Variants in VCAN observed in about 807,000 individuals in gnomAD.
VCAN encodes versican core protein.
A neutral mutation model predicts 245.5 loss-of-function variants in VCAN; 44 were observed. That is an observed-to-expected ratio of 0.18 (90% confidence interval 0.14 to 0.23). The LOEUF (loss-of-function observed/expected upper bound fraction) is 0.23. VCAN is among the 10% of genes least tolerant of loss of function. The pLI, the probability that VCAN is intolerant of heterozygous loss-of-function variation, is 1.00. For synonymous variants in VCAN, 1,413 were observed against 1,437.0 expected (o/e 0.98, Z 0.38); for missense variants, 3,793 against 4,057.9 (o/e 0.93, Z 1.77).
chr5:83,575,538 C>T (rs1411237738), intron 13 of VCAN, among the ~76,000 whole-genome samples: 1 of 152,098 alleles, frequency 6.6e-6, no homozygotes, highest in African/African-American at 2.4e-5. Flanking sequence ...ATTTTATTTT[C>T]TCCTATAGCA....
In VCAN at chr5:83,580,694, C is replaced by A; in HGVS notation, c.*260C>A. ...AATTTCTTTAGTTTTCTATTTGCCTCCAGTGCAGTCCATTTCCTAATGTAT... is the reference window on the plus strand; with the variant it reads ...AATTTCTTTAGTTTTCTATTTGCCTACAGTGCAGTCCATTTCCTAATGTAT... On this transcript the variant is annotated 3_prime_UTR_variant, in exon 15 of 15. Transcript: ENST00000265077. The A allele has an allele frequency of 2.2e-6, 1 of 460,698 alleles. No individual in the cohort carries two copies. The highest frequency in any genetic ancestry group is 2.1e-5 in the South Asian group (1 of 48,702). The allele number at this position is 460,698 out of a possible 1,614,324, so 28.5% of individuals were successfully genotyped here. A position where few individuals can be genotyped will look rare whatever the true frequency, so the allele number is the denominator to read the frequency against.
chr5:83,487,123 T>A (rs1744818251), intron 2 of VCAN, among the ~76,000 whole-genome samples: 1 of 152,224 alleles, frequency 6.6e-6, no homozygotes, highest in South Asian at 2.1e-4. Context: ...TATTTTGATG[T>A]TCCCCTTATA....
chr5:83,472,242 A>C (rs1326546412), intron 1 of VCAN, among the ~76,000 whole-genome samples: 4 of 147,362 alleles, frequency 2.7e-5, no homozygotes, highest in Non-Finnish European at 6.0e-5. Context: ...GTGTTGAAAA[A>C]GATTCAGACA....
In VCAN at chr5:83,519,461, T is replaced by C. The variant is rs1266589626; in HGVS notation, c.1155T>C (p.Val385=). 1 of 1,614,148 alleles carries C rather than the reference T, an allele frequency of 6.2e-7. No individual in the cohort carries two copies. Among genetic ancestry groups the C allele is most frequent in the South Asian group, 1.1e-5 (1 of 91,088 alleles). The change falls in exon 7 of 15, where the codon GTT becomes GTC. Residue 385 remains valine (V), a synonymous_variant. Coordinates refer to ENST00000265077, the MANE Select transcript of VCAN (RefSeq NM_004385.5). Reference sequence around the variant, plus strand: ...GAACTACACCAATCATCCCTTTAGTTGATGAATTACCTGTCATTCCAACAG... The same window carrying C: ...GAACTACACCAATCATCCCTTTAGTCGATGAATTACCTGTCATTCCAACAG... ...SDRTTPIIPL[V]DELPVIPTEF...
In VCAN at chr5:83,537,569, C is replaced by T. The variant is rs760849525; in HGVS notation, c.4566C>T (p.Val1522=). The T allele has an allele frequency of 7.4e-6, 12 of 1,613,594 alleles. No individual in the cohort carries two copies. The South Asian group carries it at 9.9e-5, about 13-fold the overall frequency. Residue 1522 remains valine (V), a synonymous_variant, in exon 8 of 15, where the codon GTC becomes GTT. Coordinates refer to ENST00000265077, the MANE Select transcript of VCAN (RefSeq NM_004385.5). ...SGTAKKGAES[V]TERDTEVGHQ... ...CAGCCAAAAAAGGGGCAGAATCAGT[C>T]ACAGAGAGAGATACTGAAGTTGGTC...
Position 83,520,718 on chromosome 5 carries a change from A to G in VCAN, c.2412A>G (p.Ser804=). Residue 804 remains serine (S), a synonymous_variant, in exon 7 of 15, where the codon TCA becomes TCG. Coordinates refer to ENST00000265077, the MANE Select transcript of VCAN (RefSeq NM_004385.5). ...SVEAATVSKW[S]WDEDNTTSKP... ...AAGCAGCCACTGTATCAAAATGGTCATGGGATGAAGATAATACAACATCCA... is the reference window on the plus strand; with the variant it reads ...AAGCAGCCACTGTATCAAAATGGTCGTGGGATGAAGATAATACAACATCCA... The G allele has an allele frequency of 6.2e-7, 1 of 1,614,168 alleles. No individual in the cohort carries two copies. The highest frequency in any genetic ancestry group is 8.5e-7 in the Non-Finnish European group (1 of 1,180,008).
At position 83,572,400 on chromosome 5, in the gene VCAN, C is replaced by T. The variant is rs995198191; in HGVS notation, c.9736-16C>T. On this transcript the variant is annotated splice_polypyrimidine_tract_variant and intron_variant, in intron 12 of 14. Transcript: ENST00000265077. The stretch of plus-strand genomic sequence containing the variant: ...TTTGACTAGCAAGTAGTTACCTTCT[C>T]CCTCCATTTTTACAGCAATACGAGA... 5.0e-6 allele frequency: 8 copies of T among 1,613,642 alleles called. No homozygotes were observed. The Admixed American group carries it at 8.3e-5, about 17-fold the overall frequency.
chr5:83,553,300 G>T (rs1747540352), intron 10 of VCAN, 64 bp from the exon 11 acceptor site: 1 of 1,606,242 alleles, frequency 6.2e-7, no homozygotes, highest in African/African-American at 1.3e-5. Context: ...CTAACACTTG[G>T]TTGGGGGTGC....
chr5:83,525,866 G>A (rs566429537), intron 7 of VCAN, among the ~76,000 whole-genome samples: 5 of 151,988 alleles, frequency 3.3e-5, no homozygotes, highest in Non-Finnish European at 7.4e-5. Context: ...AGAGGATAAA[G>A]AACAAGGAAC....
chr5:83,475,240 G>A (rs1374032597), intron 1 of VCAN, among the ~76,000 whole-genome samples: 1 of 152,180 alleles, frequency 6.6e-6, no homozygotes, highest in Non-Finnish European at 1.5e-5. Flanking sequence ...CCTATTTAGG[G>A]AGTGACTGAG....
intron 5 of VCAN, among the ~76,000 whole-genome samples, chr5:83,497,894 A>G (rs1745208596): frequency 6.6e-6 from 1 of 152,208 alleles, no homozygotes; most frequent in Admixed American, 6.5e-5. Flanking sequence ...TCCTGCAGAT[A>G]AATTGGAGGA....
intron 6 of VCAN, among the ~76,000 whole-genome samples, chr5:83,515,778 C>T (rs575222266): frequency 2.0e-5 from 3 of 152,330 alleles, no homozygotes; most frequent in African/African-American, 7.2e-5. Flanking sequence ...GCCTGCCCTT[C>T]TAACCTTTGG....
intron 6 of VCAN, among the ~76,000 whole-genome samples, chr5:83,518,453 T>A (rs1383632554): frequency 1.3e-5 from 2 of 152,152 alleles, no homozygotes; most frequent in Non-Finnish European, 2.9e-5. Context: ...ATGCTTAGGG[T>A]TGTTCCCAGT....
chr5:83,580,302 T>A lies in VCAN; in HGVS notation c.10064-5T>A. ...TTCTTTTTTTCTTTCTTTCCTTCCA[T>A]GTAGCATCTGCATACCAAAGGACTT... On this transcript the variant is annotated splice_polypyrimidine_tract_variant and splice_region_variant and intron_variant, in intron 14 of 14. Coordinates refer to ENST00000265077, the MANE Select transcript of VCAN (RefSeq NM_004385.5). 1 of 1,613,920 alleles carries A rather than the reference T, an allele frequency of 6.2e-7. No individual in the cohort carries two copies. Among genetic ancestry groups the A allele is most frequent in the South Asian group, 1.1e-5 (1 of 90,978 alleles).
chr5:83,501,260 T>C (rs1299331556), intron 5 of VCAN, among the ~76,000 whole-genome samples: 1 of 152,198 alleles, frequency 6.6e-6, no homozygotes, highest in Non-Finnish European at 1.5e-5. Context: ...GTTGTCTTTT[T>C]ACTTTCTTGA....
chr5:83,551,316 G>A (rs1177116270), intron 10 of VCAN, among the ~76,000 whole-genome samples: 2 of 152,084 alleles, frequency 1.3e-5, no homozygotes, highest in Non-Finnish European at 2.9e-5. Flanking sequence ...TTCAAGACCA[G>A]CCTGGGCAAC....
intron 1 of VCAN, among the ~76,000 whole-genome samples, chr5:83,480,146 T>A (rs908999158): frequency 2.0e-5 from 3 of 152,258 alleles, no homozygotes; most frequent in African/African-American, 7.2e-5. Flanking sequence ...AACATATTTA[T>A]GCAACTTATT....
intron 12 of VCAN, chr5:83,561,964 T>G (rs1027905970): frequency 1.3e-5 from 2 of 152,196 alleles, no homozygotes; most frequent in Admixed American, 1.3e-4. Context: ...GGATTTCACA[T>G]GATTTGACAG....
chr5:83,567,291 T>C (rs1748118343), intron 12 of VCAN, among the ~76,000 whole-genome samples: 1 of 151,956 alleles, frequency 6.6e-6, no homozygotes, highest in African/African-American at 2.4e-5. Context: ...ACATCAACTA[T>C]TTGCGTTTTT....
Sources: gnomAD v4.1 joint callset for allele counts (sites outside exome capture counted in the v4.1 genomes callset) on GRCh38, gnomAD v4.1.1 for gene constraint, MANE v1.5 for transcripts, NCBI Gene and HGNC (gene_info 2026-07-23, HGNC 2026-07-21) for gene names.